EGF: variants seen among roughly 807,000 people sequenced by gnomAD.
EGF encodes pro-epidermal growth factor.
EGF carries 95 observed loss-of-function variants against 143.8 expected under a neutral mutation model. The ratio of observed to expected loss-of-function variants is 0.66; its 90% CI spans 0.56 to 0.78. The LOEUF is 0.78. Ranked by LOEUF, EGF falls within the 30% of genes least tolerant of loss-of-function variation. The pLI is 0.00. For missense variants in EGF, 1,320 were observed against 1,470.9 expected (o/e 0.90, Z 1.68); for synonymous variants, 510 against 510.5 (o/e 1.00, Z 0.01).
intron 13 of EGF, among the ~76,000 whole-genome samples, chr4:109,979,555 A>G (rs766212015): frequency 2.0e-5 from 3 of 152,198 alleles, no homozygotes; most frequent in Non-Finnish European, 4.4e-5. Flanking sequence ...AATTTGATCT[A>G]CCCCTTATTA....
chr4:109,923,769 C>T (rs144856051), intron 1 of EGF, among the ~76,000 whole-genome samples: 16 of 151,436 alleles, frequency 1.1e-4, no homozygotes, highest in South Asian at 8.3e-4. Flanking sequence ...TACAGGTGTA[C>T]GCCAGCACAC....
At position 109,993,385 on chromosome 4, in the gene EGF, G is replaced by A. The variant is rs1365172589; in HGVS notation, c.2857+16G>A. ...ATTTGCCCTGGTAGGTTGGTGGGTG[G>A]TCTACAGTGAAGGGGAGGGACTTGG... On this transcript the variant is annotated intron_variant, in intron 19 of 23. Coordinates refer to ENST00000265171, the MANE Select transcript of EGF (RefSeq NM_001963.6). 2.5e-6 allele frequency: 4 copies of A among 1,612,658 alleles called. No homozygotes were observed. In the African/African-American group the frequency reaches 4.0e-5, roughly 16 times the overall value.
chr4:109,975,738 C>G (rs1748392354), intron 12 of EGF, among the ~76,000 whole-genome samples: 1 of 152,184 alleles, frequency 6.6e-6, no homozygotes, highest in African/African-American at 2.4e-5. Flanking sequence ...TTTTATTAGT[C>G]ATATATTGCA....
chr4:109,964,778 T>C (rs760979248), intron 10 of EGF, among the ~76,000 whole-genome samples: 1 of 152,134 alleles, frequency 6.6e-6, no homozygotes, highest in African/African-American at 2.4e-5. Flanking sequence ...GATCACACAG[T>C]TTAGTTTTAG....
intron 1 of EGF, 142 bp downstream of exon 1, chr4:109,913,604 T>C (rs1409945526): frequency 1.6e-6 from 2 of 1,239,404 alleles, no homozygotes; most frequent in Non-Finnish European, 2.3e-6. Flanking sequence ...TTCTGATGCA[T>C]GTTTATTTTC....
chr4:110,009,974 C>T (rs777034998), intron 23 of EGF, among the ~76,000 whole-genome samples: 1 of 152,148 alleles, frequency 6.6e-6, no homozygotes, highest in African/African-American at 2.4e-5. Flanking sequence ...GTGGCTCACA[C>T]CTGTAATCCG....
chr4:109,993,850 T>A (rs1298601342), intron 19 of EGF, among the ~76,000 whole-genome samples: 1 of 152,202 alleles, frequency 6.6e-6, no homozygotes, highest in Non-Finnish European at 1.5e-5. Flanking sequence ...TCCTGCTTCC[T>A]GAATCTTCTT....
chr4:109,951,917 G>A (rs554729469), intron 5 of EGF, among the ~76,000 whole-genome samples: 1 of 152,186 alleles, frequency 6.6e-6, no homozygotes, highest in East Asian at 1.9e-4. Flanking sequence ...ACAGATCATG[G>A]AGTCAAAACC....
intron 1 of EGF, among the ~76,000 whole-genome samples, chr4:109,923,727 G>A (rs747046953): frequency 3.3e-5 from 5 of 151,478 alleles, no homozygotes; most frequent in Non-Finnish European, 4.4e-5. Context: ...CTCAGGTGAT[G>A]CTTCCACATC....
Position 109,913,164 on chromosome 4 carries a change from A to T in EGF, c.-172A>T. 1.5e-6 allele frequency: 1 copy of T among 685,172 alleles called. No homozygotes were observed. The highest frequency in any genetic ancestry group is 2.5e-6 in the Non-Finnish European group (1 of 403,516). 42.4% of individuals were successfully genotyped at this position (685,172 alleles called of 1,614,324 possible). On this transcript the variant is annotated 5_prime_UTR_variant, in exon 1 of 24. Transcript: ENST00000265171. ...GCAGGCTGCATTCAGAAGGTCTCTC[A>T]GTTGAAGAAAGAGCTTGGAGGACAA...
intron 1 of EGF, among the ~76,000 whole-genome samples, chr4:109,935,884 A>G (rs1490661560): frequency 6.6e-6 from 1 of 152,148 alleles, no homozygotes; most frequent in Admixed American, 6.5e-5. Flanking sequence ...CTTGCATCCC[A>G]GGGGTGAAGC....
intron 16 of EGF, 80 bp from the exon 17 acceptor site, chr4:109,987,664 T>C (rs1750330125): frequency 8.5e-6 from 10 of 1,176,256 alleles, no homozygotes; most frequent in Non-Finnish European, 1.3e-5. Context: ...TGGTGGACTG[T>C]TCTGTAGAAC....
At chr4:109,939,658 A>G (rs1448595824) in intron 1 of EGF, among the ~76,000 whole-genome samples, 1 of 152,154 alleles carries the variant, frequency 6.6e-6, no homozygotes, top group African/African-American at 2.4e-5. Flanking sequence ...AGTTGTTCCT[A>G]TTCGGCCATC....
rs1749702519 is a variant in EGF, at chr4:109,983,558, C to T, written c.2491+17C>T. ...TGGTGTCAGGTATGAATAACTAGTT[C>T]TCCAATATACCTTTGGTTCCAACAG... On this transcript the variant is annotated intron_variant, in intron 16 of 23. Transcript: ENST00000265171. 3.7e-6 allele frequency: 6 copies of T among 1,613,208 alleles called. No individual in the cohort carries two copies. The highest frequency in any genetic ancestry group is 4.2e-6 in the Non-Finnish European group (5 of 1,179,514).
intron 5 of EGF, among the ~76,000 whole-genome samples, chr4:109,950,654 C>A (rs2126028885): frequency 6.6e-6 from 1 of 152,228 alleles, no homozygotes; most frequent in African/African-American, 2.4e-5. Context: ...TCTGTTGCAA[C>A]CATTCTCAAA....
intron 1 of EGF, among the ~76,000 whole-genome samples, chr4:109,927,271 A>G (rs1738841650): frequency 6.6e-6 from 1 of 152,226 alleles, no homozygotes; most frequent in Admixed American, 6.5e-5. Context: ...GCTGTCAAAA[A>G]CCAAATATCA....
At chr4:109,914,047 A>G (rs914329733) in intron 1 of EGF, among the ~76,000 whole-genome samples, 1 of 152,192 alleles carries the variant, frequency 6.6e-6, no homozygotes, top group African/African-American at 2.4e-5. Context: ...GTGCATTGCA[A>G]CTTTAAGAAC....
chr4:109,929,771 C>A (rs1054127777), intron 1 of EGF, among the ~76,000 whole-genome samples: 5 of 152,042 alleles, frequency 3.3e-5, no homozygotes, highest in Non-Finnish European at 1.5e-5. Flanking sequence ...TTTCTGGGTG[C>A]ATTATTTTTA....
At position 109,964,439 on chromosome 4, in the gene EGF, AT is replaced by A. The variant is rs768148588; in HGVS notation, c.1479del (p.Arg494AspfsTer24). On this transcript the variant is annotated frameshift_variant, in exon 10 of 24. Transcript: ENST00000265171. LOFTEE classifies it high-confidence loss of function. ...TTTGCTGTTTGCCAATTCTCAAGAT[AT>A]TCGACACATGCATTTTGATGGAACA... Reference protein sequence around the residue: ...PFLLFANSQDIRHMHFDGTDY... With the variant: ...PFLLFANSQDXRHMHFDGTDY... The A allele has an allele frequency of 6.2e-7, 1 of 1,613,884 alleles. No individual in the cohort carries two copies. Among genetic ancestry groups the A allele is most frequent in the African/African-American group, 1.3e-5 (1 of 74,922 alleles).
Sources: allele counts gnomAD v4.1 joint callset (sites outside exome capture counted in the v4.1 genomes callset), GRCh38; gene constraint gnomAD v4.1.1; transcripts MANE v1.5; gene names NCBI Gene and HGNC (gene_info 2026-07-23, HGNC 2026-07-21).